The following MGAT4A variants were observed in gnomAD, a reference collection of about 807,000 sequenced individuals.
MGAT4A encodes the protein alpha-1,3-mannosyl-glycoprotein 4-beta-N-acetylglucosaminyltransferase A.
A neutral mutation model predicts 74.1 loss-of-function variants in MGAT4A; 33 were observed. That is an observed-to-expected ratio of 0.45 (90% confidence interval 0.34 to 0.60). The LOEUF (loss-of-function observed/expected upper bound fraction) is 0.60, where lower values mean the gene tolerates loss of function less well. Ranked by LOEUF, MGAT4A falls within the 20% of genes least tolerant of loss-of-function variation. The pLI, the probability that MGAT4A is intolerant of heterozygous loss-of-function variation, is 0.02. For missense variants in MGAT4A, 479 were observed against 628.3 expected, an observed-to-expected ratio of 0.76 and a Z score of 2.54; for synonymous variants, 198 against 210.4, an observed-to-expected ratio of 0.94 and a Z score of 0.51.
chr2:98,679,590 C>A (rs1702028223), intron 2 of MGAT4A, among the ~76,000 whole-genome samples: 1 of 152,066 alleles, frequency 6.6e-6, no homozygotes, highest in Non-Finnish European at 1.5e-5. Context: ...TATGATCACA[C>A]AACTGCACCC....
chr2:98,663,707 C>T (rs1011712437), intron 4 of MGAT4A, among the ~76,000 whole-genome samples: 2 of 152,098 alleles, frequency 1.3e-5, no homozygotes, highest in Non-Finnish European at 1.5e-5. Flanking sequence ...AATGAATGGT[C>T]CCCGATTGGA....
chr2:98,694,924 G>A (rs1281533444), intron 2 of MGAT4A: 2 of 153,686 alleles, frequency 1.3e-5, no homozygotes, highest in Non-Finnish European at 2.9e-5. Context: ...GCAAGAGAGA[G>A]ATGCAACCCC....
intron 3 of MGAT4A, among the ~76,000 whole-genome samples, chr2:98,675,658 C>G (rs1480196267): frequency 6.6e-6 from 1 of 151,996 alleles, no homozygotes; most frequent in African/African-American, 2.4e-5. Context: ...GAGATCCTCC[C>G]CACCTCAGCC....
intron 8 of MGAT4A, among the ~76,000 whole-genome samples, chr2:98,651,471 TTTTA>T: frequency 6.6e-6 from 1 of 152,288 alleles, no homozygotes; most frequent in South Asian, 2.1e-4. Flanking sequence ...AGAGTAGAGA[TTTTA>T]TTTGTCATTG....
intron 10 of MGAT4A, among the ~76,000 whole-genome samples, chr2:98,642,972 C>G (rs576428372): frequency 6.6e-6 from 1 of 152,102 alleles, no homozygotes; most frequent in Non-Finnish European, 1.5e-5. Context: ...TGAAGTCAAA[C>G]TAATGCTTAT....
intron 5 of MGAT4A, 70 bp from the exon 6 acceptor site, chr2:98,658,334 G>A (rs557229661): frequency 1.2e-5 from 9 of 777,752 alleles, no homozygotes; most frequent in South Asian, 5.5e-5. Flanking sequence ...TACTGAACTC[G>A]AAATTAAATG....
chr2:98,635,502 T>C (rs994243624), intron 13 of MGAT4A, among the ~76,000 whole-genome samples: 11 of 152,182 alleles, frequency 7.2e-5, no homozygotes, highest in Admixed American at 7.2e-4. Context: ...AATATATTGG[T>C]GGTTGGAAAT....
intron 8 of MGAT4A, among the ~76,000 whole-genome samples, chr2:98,646,782 T>C (rs1701491774): frequency 6.6e-6 from 1 of 152,226 alleles, no homozygotes; most frequent in African/African-American, 2.4e-5. Flanking sequence ...ATCCATCACT[T>C]CATAACGATA....
Position 98,623,625 on chromosome 2 carries a change from A to G in MGAT4A, c.*1941T>C. The G allele has an allele frequency of 2.0e-6, 2 of 985,352 alleles. No individual in the cohort carries two copies. Among genetic ancestry groups the G allele is most frequent in the Non-Finnish European group, 2.4e-6 (2 of 829,818 alleles). The allele number at this position is 985,352 out of a possible 1,614,324, so 61.0% of individuals were successfully genotyped here. Reference sequence around the variant, plus strand: ...AAGTAAATTTAAAACATCCTAATAAAAAAATTTCAACTGGCCTTTAACTGA... The same window carrying G: ...AAGTAAATTTAAAACATCCTAATAAGAAAATTTCAACTGGCCTTTAACTGA... On this transcript the variant is annotated 3_prime_UTR_variant, in exon 16 of 16. Transcript: ENST00000393487.
chr2:98,660,410 A>G (rs79664003), intron 5 of MGAT4A, among the ~76,000 whole-genome samples: 17 of 117,948 alleles, frequency 1.4e-4, no homozygotes, highest in South Asian at 5.8e-4. Flanking sequence ...ACACACACAC[A>G]CGCACGCGCA....
chr2:98,691,312 G>A (rs1231841707), intron 2 of MGAT4A, among the ~76,000 whole-genome samples: 4 of 152,000 alleles, frequency 2.6e-5, no homozygotes, highest in Admixed American at 6.6e-5. Context: ...AAATTAGCTG[G>A]GTAACGTAGT....
Position 98,680,583 on chromosome 2 carries a change from C to T in MGAT4A, c.95-2112G>A, listed in dbSNP as rs530982582. 3.9e-5 allele frequency among the ~76,000 whole-genome samples: 6 copies of T among 152,210 alleles called. No homozygotes were observed. In the South Asian group the frequency reaches 1.0e-3, roughly 26 times the overall value. ...GGAATAACAAAAGCATGTATGTCAC[C>T]GTATTTGCGTTAATTTGCTCAGAAG... On this transcript the variant is annotated intron_variant, in intron 2 of 15. Transcript: ENST00000393487.
chr2:98,681,155 C>A (rs1702054093), intron 2 of MGAT4A, among the ~76,000 whole-genome samples: 1 of 151,986 alleles, frequency 6.6e-6, no homozygotes, highest in African/African-American at 2.4e-5. Flanking sequence ...GCTAATTTTT[C>A]TATTTTTAGT....
intron 14 of MGAT4A, among the ~76,000 whole-genome samples, chr2:98,633,939 G>A (rs1387851453): frequency 6.6e-6 from 1 of 152,184 alleles, no homozygotes; most frequent in Non-Finnish European, 1.5e-5. Flanking sequence ...AAAGTAGCCA[G>A]GGTTATTGTG....
intron 2 of MGAT4A, among the ~76,000 whole-genome samples, chr2:98,702,192 C>A (rs1367822835): frequency 6.6e-6 from 1 of 152,238 alleles, no homozygotes; most frequent in Admixed American, 6.5e-5. Flanking sequence ...GCCCTGCCCT[C>A]AGCTCTGTCA....
intron 2 of MGAT4A, among the ~76,000 whole-genome samples, chr2:98,709,312 T>C (rs1702482179): frequency 6.6e-6 from 1 of 152,160 alleles, no homozygotes; most frequent in Non-Finnish European, 1.5e-5. Flanking sequence ...ACAGCAATAA[T>C]GGAGGTCCAA....
At position 98,624,510 on chromosome 2, in the gene MGAT4A, T is replaced by G. The variant is rs1701114997; in HGVS notation, c.*1056A>C. The G allele has an allele frequency of 3.1e-6, 3 of 971,284 alleles. No homozygotes were observed. Among genetic ancestry groups the G allele is most frequent in the Non-Finnish European group, 3.7e-6 (3 of 817,098 alleles). 60.2% of individuals were successfully genotyped at this position (971,284 alleles called of 1,614,324 possible). On this transcript the variant is annotated 3_prime_UTR_variant, in exon 16 of 16. Coordinates refer to ENST00000393487, the MANE Select transcript of MGAT4A (RefSeq NM_012214.3). ...GAAAATATACTACTAATAATATATT[T>G]CACCAAAAAACAATATTACAATTTT...
At chr2:98,715,497 A>G (rs1289268629) in intron 2 of MGAT4A, among the ~76,000 whole-genome samples, 1 of 152,178 alleles carries the variant, frequency 6.6e-6, no homozygotes. Context: ...TGTCCTCTGC[A>G]GGGACACAGA....
In MGAT4A at chr2:98,623,396, A is replaced by C; in HGVS notation, c.*2170T>G. On this transcript the variant is annotated 3_prime_UTR_variant, in exon 16 of 16. Transcript: ENST00000393487. ...TTTCTTCATGAAACCAGAGTTGGCA[A>C]CTGAGGAACCAGGGACCCAAGAGTA... is the stretch of plus-strand genomic sequence containing the variant. The C allele has an allele frequency of 1.0e-6, 1 of 985,444 alleles. No homozygotes were observed. The highest frequency in any genetic ancestry group is 1.2e-6 in the Non-Finnish European group (1 of 829,934). The allele number at this position is 985,444 out of a possible 1,614,324, so 61.0% of individuals were successfully genotyped here.
Sources: gnomAD v4.1 joint callset for allele counts (sites outside exome capture counted in the v4.1 genomes callset) on GRCh38, gnomAD v4.1.1 for gene constraint, MANE v1.5 for transcripts, NCBI Gene and HGNC (gene_info 2026-07-23, HGNC 2026-07-21) for gene names.